BUD23: variants seen among roughly 807,000 people sequenced by gnomAD.
BUD23 encodes the protein BUD23 rRNA methyltransferase and ribosome maturation factor.
In BUD23, 34 loss-of-function variants were observed where a neutral mutation model predicts 47.0. The observed-to-expected ratio is 0.72, with a 90% confidence interval of 0.55 to 0.96. The LOEUF (loss-of-function observed/expected upper bound fraction) is 0.96. Ranked by LOEUF, BUD23 falls within the 40% of genes least tolerant of loss-of-function variation. The pLI, the probability that BUD23 is intolerant of heterozygous loss-of-function variation, is 0.00. For missense variants in BUD23, 343 were observed against 361.2 expected (o/e 0.95, Z 0.41); for synonymous variants, 124 against 132.0 (o/e 0.94, Z 0.41).
rs782575337 is a variant in BUD23 at position 73,697,904 on chromosome 7, G to C, written c.*18G>C. ...GCTTCTAAGTCACCACGCGGTTCTG[G>C]AAAGGCACTTGCCTCTGCACTTTTC... On this transcript the variant is annotated 3_prime_UTR_variant, in exon 12 of 12. Coordinates refer to ENST00000265758, the MANE Select transcript of BUD23 (RefSeq NM_017528.5). 5.0e-6 allele frequency: 8 copies of C among 1,610,062 alleles called. No individual in the cohort carries two copies. Among genetic ancestry groups the C allele is most frequent in the Non-Finnish European group, 5.9e-6 (7 of 1,178,916 alleles).
rs1014425094 is a variant in BUD23 at position 73,697,845 on chromosome 7, G to C, written c.805G>C (p.Asp269His). ...HRRQGREVRP[D>H]TQYTGRKRKP... ...TTTTCTGCACAGGGAAGTCAGACCT[G>C]ACACCCAGTACACCGGCCGCAAGCG... is the stretch of plus-strand genomic sequence containing the variant. Residue 269 changes from aspartate to histidine, a missense_variant, in exon 12 of 12, where the codon GAC (aspartate) becomes CAC (histidine). Asp to His is a moderately conservative substitution (Grantham distance 81). Coordinates refer to ENST00000265758, the MANE Select transcript of BUD23 (RefSeq NM_017528.5). 6 of 1,613,836 alleles carry C rather than the reference G, an allele frequency of 3.7e-6. No individual in the cohort carries two copies. Among genetic ancestry groups the C allele is most frequent in the Admixed American group, 1.7e-5 (1 of 59,942 alleles).
rs79296230 is a variant in BUD23, at chr7:73,697,004, C to T, written c.702-601C>T. 2.1e-3 allele frequency: 443 copies of T among 214,524 alleles called. 13 individuals carry two copies. In the East Asian group the frequency reaches 0.05, roughly 24 times the overall value. 13.3% of individuals were successfully genotyped at this position (214,524 alleles called of 1,614,324 possible). On this transcript the variant is annotated intron_variant, in intron 10 of 11. Transcript: ENST00000265758. ...GAGATGACTCCTCCTGTGTCCCCAG[C>T]CCTGCTCTGCAGCTGCTCCTGCTTT...
chr7:73,697,801 TC>T, intron 11 of BUD23, 30 bp from the exon 12 acceptor site: 1 of 1,612,230 alleles, frequency 6.2e-7, no homozygotes, highest in Non-Finnish European at 8.5e-7. Context: ...ATCTTTTTTT[TC>T]TGAGACTGTC....
At chr7:73,690,627 T>C (rs1798153645) in intron 5 of BUD23, among the ~76,000 whole-genome samples, 1 of 152,200 alleles carries the variant, frequency 6.6e-6, no homozygotes, top group South Asian at 2.1e-4. Context: ...TTTTTTGTCT[T>C]TAAATTTTTA....
rs369806080 is a variant in BUD23, at chr7:73,693,329, T to C, written c.511T>C (p.Leu171=). ...LQLYPENSEQ[L]ELITTQATKA... is the part of the protein sequence containing the mutation. Reference sequence around the variant, plus strand: ...TGACCCGCTGCCTTTCTTTCCTCAGTTGGAGCTGATCACAACCCAGGCCAC... The same window carrying C: ...TGACCCGCTGCCTTTCTTTCCTCAGCTGGAGCTGATCACAACCCAGGCCAC... Residue 171 remains leucine, a splice_region_variant and synonymous_variant, in exon 8 of 12, where the codon TTG becomes CTG. Coordinates refer to ENST00000265758, the MANE Select transcript of BUD23 (RefSeq NM_017528.5). The C allele has an allele frequency of 6.2e-7, 1 of 1,613,862 alleles. No homozygotes were observed. Among genetic ancestry groups the C allele is most frequent in the Admixed American group, 1.7e-5 (1 of 59,956 alleles).
chr7:73,686,576 TG>T, intron 2 of BUD23, 59 bp from the exon 3 acceptor site: 2 of 1,458,586 alleles, frequency 1.4e-6, no homozygotes, highest in Non-Finnish European at 1.9e-6. Flanking sequence ...TTTTTTGGTC[TG>T]GGGGAAGTAT....
chr7:73,693,724 G>A lies in BUD23; in HGVS notation c.642+55G>A, dbSNP rs560109305. 1.1e-4 allele frequency: 181 copies of A among 1,604,910 alleles called. 2 individuals are homozygous for A. In the South Asian group the frequency reaches 1.5e-3, roughly 13 times the overall value. On this transcript the variant is annotated intron_variant, in intron 9 of 11. Coordinates refer to ENST00000265758, the MANE Select transcript of BUD23 (RefSeq NM_017528.5). Reference sequence around the variant, plus strand: ...TGTGTCTTTTGACTTCCAGGCAGTGGGGCTCAGCCTGCAGAGCCTGCTGGG... The same window carrying A: ...TGTGTCTTTTGACTTCCAGGCAGTGAGGCTCAGCCTGCAGAGCCTGCTGGG...
intron 5 of BUD23, among the ~76,000 whole-genome samples, chr7:73,689,713 G>T (rs916643913): frequency 1.3e-5 from 2 of 152,198 alleles, no homozygotes; most frequent in Non-Finnish European, 2.9e-5. Context: ...GTTGAGTGTG[G>T]TTGCTTCCTA....
intron 5 of BUD23, among the ~76,000 whole-genome samples, chr7:73,687,874 C>T (rs570778520): frequency 7.9e-5 from 12 of 151,460 alleles, no homozygotes; most frequent in African/African-American, 2.9e-4. Flanking sequence ...AACCCAGCCT[C>T]TACTAAAAAG....
rs782712865 is a variant in BUD23 at position 73,686,827 on chromosome 7, T to C, written c.192T>C (p.Thr64=). The stretch of plus-strand genomic sequence containing the variant: ...TGGTCATGTCTTCCAGCTGTGGCAC[T>C]GGGCTGAGTGGAAGTTATCTGTCAG... ...PCYLLDIGCG[T]GLSGSYLSDE... Residue 64 remains threonine, a synonymous_variant, in exon 4 of 12, where the codon ACT becomes ACC. Coordinates refer to ENST00000265758, the MANE Select transcript of BUD23 (RefSeq NM_017528.5). The C allele has an allele frequency of 6.2e-7, 1 of 1,614,168 alleles. No homozygotes were observed. The highest frequency in any genetic ancestry group is 8.5e-7 in the Non-Finnish European group (1 of 1,180,010).
At chr7:73,689,678 A>C (rs1798114252) in intron 5 of BUD23, among the ~76,000 whole-genome samples, 1 of 152,120 alleles carries the variant, frequency 6.6e-6, no homozygotes, top group African/African-American at 2.4e-5. Flanking sequence ...GAGAGGGATG[A>C]ACGAGAGATT....
At chr7:73,693,489 G>T in intron 8 of BUD23, 75 bp downstream of exon 8, 2 of 1,600,642 alleles carry the variant, frequency 1.2e-6, no homozygotes, top group South Asian at 2.2e-5. Flanking sequence ...AGGCCACTCA[G>T]TGGTGCAGAG....
rs782505357 is a variant in BUD23, at chr7:73,697,879, G to A, written c.839G>A (p.Arg280His). ...TACACCGGCCGCAAGCGCAAGCCCC[G>A]CTTCTAAGTCACCACGCGGTTCTGG... Reference protein sequence around the residue: ...TQYTGRKRKPRF With the variant: ...TQYTGRKRKPHF Residue 280 changes from arginine (R) to histidine (H), a missense_variant, in exon 12 of 12, where the codon CGC becomes CAC. Transcript: ENST00000265758. 40 of 1,613,608 alleles carry A rather than the reference G, an allele frequency of 2.5e-5. No individual in the cohort carries two copies. Among genetic ancestry groups the A allele is most frequent in the Admixed American group, 1.0e-4 (6 of 59,862 alleles).
At chr7:73,692,963 T>C in intron 7 of BUD23, 1 of 540,558 alleles carries the variant, frequency 1.8e-6, no homozygotes, top group South Asian at 2.5e-5. Context: ...GTGTGATGTA[T>C]AAATTAAGGA....
At chr7:73,694,292 T>C in intron 10 of BUD23, 2 of 456,036 alleles carry the variant, frequency 4.4e-6, no homozygotes, top group Non-Finnish European at 3.8e-6. Flanking sequence ...ACATGCCCCT[T>C]CCCCTTGCCA....
intron 2 of BUD23, 37 bp from the exon 3 acceptor site, chr7:73,686,599 T>TC (rs1554613000): frequency 6.3e-7 from 1 of 1,586,772 alleles, no homozygotes. Flanking sequence ...CACCCAGAAC[T>TC]CCTTTACCAT....
chr7:73,688,955 T>C (rs1335564003), intron 5 of BUD23, among the ~76,000 whole-genome samples: 2 of 152,220 alleles, frequency 1.3e-5, no homozygotes, highest in Non-Finnish European at 2.9e-5. Context: ...TGAGGTGTTT[T>C]AAGCTGTGAA....
rs1554615108 is a variant in BUD23 at position 73,697,672 on chromosome 7, G to T, written c.769G>T (p.Glu257Ter). The T allele has an allele frequency of 6.2e-7, 1 of 1,613,682 alleles. No homozygotes were observed. Among genetic ancestry groups the T allele is most frequent in the Non-Finnish European group, 8.5e-7 (1 of 1,179,916 alleles). The change falls in exon 11 of 12, where the codon GAG (glutamate) becomes TAG (stop). Residue 257 changes from glutamate (E) to a stop codon, truncating the protein, a stop_gained. Transcript: ENST00000265758. LOFTEE classifies it high-confidence loss of function. ...TCGGGCATGGGTGCTGGAGAAGAAG[G>T]AGCGGCACAGGCGCCAGGGCAGGTG... ...KSRAWVLEKKERHRRQGREVR... is the reference protein window; with the variant it reads ...KSRAWVLEKK
At chr7:73,688,283 C>T (rs1313457730) in intron 5 of BUD23, among the ~76,000 whole-genome samples, 4 of 150,592 alleles carry the variant, frequency 2.7e-5, no homozygotes, top group African/African-American at 9.8e-5. Context: ...ACCCGAGAGG[C>T]GGAGGTTGCA....
Sources: allele counts gnomAD v4.1 joint callset (sites outside exome capture counted in the v4.1 genomes callset), GRCh38; gene constraint gnomAD v4.1.1; transcripts MANE v1.5; gene names NCBI Gene and HGNC (gene_info 2026-07-23, HGNC 2026-07-21).